SPATA16: variants seen among roughly 807,000 people sequenced by gnomAD.
The protein encoded by SPATA16 is spermatogenesis associated 16, also known as spermatogenesis-associated protein 16.
In SPATA16, 36 loss-of-function variants were observed where a neutral mutation model predicts 63.3. That is an observed-to-expected ratio of 0.57 (90% CI 0.44 to 0.75). The LOEUF is 0.75. Ranked by LOEUF, SPATA16 falls within the 30% of genes least tolerant of loss-of-function variation. The pLI, the probability that SPATA16 is intolerant of heterozygous loss-of-function variation, is 0.00. For synonymous variants in SPATA16, 203 were observed against 216.7 expected, an observed-to-expected ratio of 0.94 and a Z score of 0.56; for missense variants, 646 against 679.3, an observed-to-expected ratio of 0.95 and a Z score of 0.54.
At chr3:173,028,338 G>A (rs958106217) in intron 3 of SPATA16, among the ~76,000 whole-genome samples, 2 of 151,652 alleles carry the variant, frequency 1.3e-5, no homozygotes, top group East Asian at 3.9e-4. Flanking sequence ...CTGGATAATA[G>A]CATCATTTCG....
chr3:172,914,096 T>C (rs2109562789), intron 9 of SPATA16, among the ~76,000 whole-genome samples: 1 of 152,270 alleles, frequency 6.6e-6, no homozygotes, highest in South Asian at 2.1e-4. Flanking sequence ...ATTTTAGCGT[T>C]TTCTCCTGAG....
intron 2 of SPATA16, among the ~76,000 whole-genome samples, chr3:173,067,403 G>C (rs1310813456): frequency 2.0e-5 from 3 of 152,082 alleles, no homozygotes; most frequent in Non-Finnish European, 2.9e-5. Flanking sequence ...AGTACACATG[G>C]ACACAATAAA....
chr3:172,928,188 C>T (rs1732785057), intron 6 of SPATA16, among the ~76,000 whole-genome samples: 1 of 152,184 alleles, frequency 6.6e-6, no homozygotes, highest in African/African-American at 2.4e-5. Context: ...GGATTATAGG[C>T]ATGAGCCACT....
chr3:172,980,215 A>C (rs1734267130), intron 4 of SPATA16, among the ~76,000 whole-genome samples: 1 of 152,228 alleles, frequency 6.6e-6, no homozygotes, highest in Non-Finnish European at 1.5e-5. Flanking sequence ...TATAAAAGGC[A>C]AGATAATTAA....
At chr3:173,075,919 G>T (rs1410370131) in intron 2 of SPATA16, among the ~76,000 whole-genome samples, 1 of 152,032 alleles carries the variant, frequency 6.6e-6, no homozygotes, top group East Asian at 1.9e-4. Context: ...TGAAAGAGTG[G>T]AATTGGAATA....
At chr3:173,036,145 A>G (rs562849004) in intron 3 of SPATA16, among the ~76,000 whole-genome samples, 78 of 152,082 alleles carry the variant, frequency 5.1e-4, no homozygotes, top group African/African-American at 1.8e-3. Flanking sequence ...CACTGTTTCT[A>G]TGGAACACTA....
At chr3:172,945,494 A>C (rs1398282897) in intron 6 of SPATA16, among the ~76,000 whole-genome samples, 1 of 152,208 alleles carries the variant, frequency 6.6e-6, no homozygotes, top group Non-Finnish European at 1.5e-5. Flanking sequence ...AAGAAGCACA[A>C]AAGAGGGAAG....
At chr3:172,983,010 G>A (rs1486329643) in intron 4 of SPATA16, among the ~76,000 whole-genome samples, 1 of 152,136 alleles carries the variant, frequency 6.6e-6, no homozygotes, top group South Asian at 2.1e-4. Context: ...AAGTCATTCC[G>A]TTCATCACCT....
intron 2 of SPATA16, among the ~76,000 whole-genome samples, chr3:173,064,320 C>CAAAAAAAAAAAAAAAAAA (rs59773490): frequency 1.7e-5 from 1 of 57,672 alleles, no homozygotes; most frequent in African/African-American, 7.0e-5. Flanking sequence ...ACACGCACAC[C>CAAAAAAAAAAAAAAAAAA]AAAAAAAAAA....
intron 6 of SPATA16, among the ~76,000 whole-genome samples, chr3:172,949,436 T>G (rs1331346707): frequency 1.3e-5 from 2 of 152,160 alleles, no homozygotes; most frequent in Non-Finnish European, 2.9e-5. Context: ...GTAAAAAAAT[T>G]TGTAATTCTG....
At chr3:173,100,691 C>A (rs1737468850) in intron 2 of SPATA16, among the ~76,000 whole-genome samples, 1 of 145,604 alleles carries the variant, frequency 6.9e-6, no homozygotes. Context: ...CACACACACA[C>A]ACACACACAC....
intron 10 of SPATA16, among the ~76,000 whole-genome samples, chr3:172,911,672 C>T (rs1216299349): frequency 1.3e-5 from 2 of 152,186 alleles, no homozygotes; most frequent in African/African-American, 2.4e-5. Flanking sequence ...TAGTAAGTGG[C>T]ACCAGCAAAC....
chr3:172,998,091 G>T (rs1734731299), intron 4 of SPATA16, among the ~76,000 whole-genome samples: 1 of 152,034 alleles, frequency 6.6e-6, no homozygotes, highest in African/African-American at 2.4e-5. Flanking sequence ...CTGAAATTTT[G>T]ATTGGGACTG....
rs561394601 is a variant in SPATA16, at chr3:172,890,426, C to T, written c.1588-734G>A. 4.6e-5 allele frequency among the ~76,000 whole-genome samples: 7 copies of T among 152,224 alleles called. No homozygotes were observed. The East Asian group carries it at 9.6e-4, about 21-fold the overall frequency. On this transcript the variant is annotated intron_variant, in intron 10 of 10. Transcript: ENST00000351008. ...TTTCTCATGAAAGTCAGTAGATATA[C>T]GATTCATACTTAACCCTGACTCCTA...
chr3:172,889,415 G>A lies in SPATA16; in HGVS notation c.*155C>T, dbSNP rs1731847667. The stretch of plus-strand genomic sequence containing the variant: ...CCAGTTGAGATTAATGAAACATAGA[G>A]TGTCTTTGGTAAAGATGAACTGAGG... On this transcript the variant is annotated 3_prime_UTR_variant, in exon 11 of 11. Coordinates refer to ENST00000351008, the MANE Select transcript of SPATA16 (RefSeq NM_031955.6). 1 of 1,019,150 alleles carries A rather than the reference G, an allele frequency of 9.8e-7. No homozygotes were observed. Among genetic ancestry groups the A allele is most frequent in the Non-Finnish European group, 1.5e-6 (1 of 670,372 alleles). 63.1% of individuals were successfully genotyped at this position (1,019,150 alleles called of 1,614,324 possible).
At chr3:172,953,728 G>C (rs1296630564) in intron 6 of SPATA16, among the ~76,000 whole-genome samples, 1 of 152,174 alleles carries the variant, frequency 6.6e-6, no homozygotes, top group Admixed American at 6.5e-5. Context: ...TCCCTTATGT[G>C]TTCACTGACC....
At chr3:173,019,991 T>C (rs1000835277) in intron 3 of SPATA16, among the ~76,000 whole-genome samples, 2 of 143,352 alleles carry the variant, frequency 1.4e-5, no homozygotes, top group African/African-American at 5.1e-5. Context: ...GAATTTCAGT[T>C]AAAAAAAAAA....
intron 2 of SPATA16, among the ~76,000 whole-genome samples, chr3:173,065,258 C>CA (rs750075387): frequency 2.1e-5 from 3 of 142,680 alleles, no homozygotes; most frequent in Non-Finnish European, 4.4e-5. Flanking sequence ...CTTCAAGAAA[C>CA]ACTTTTTTTT....
intron 2 of SPATA16, among the ~76,000 whole-genome samples, chr3:173,098,567 C>G (rs1033042516): frequency 1.3e-5 from 2 of 152,042 alleles, no homozygotes; most frequent in African/African-American, 4.8e-5. Flanking sequence ...ATTTATGCAG[C>G]AAGACAAGGT....
Sources: gnomAD v4.1 joint callset for allele counts (sites outside exome capture counted in the v4.1 genomes callset) on GRCh38, gnomAD v4.1.1 for gene constraint, MANE v1.5 for transcripts, NCBI Gene and HGNC (gene_info 2026-07-23, HGNC 2026-07-21) for gene names.